Variants in SYTL5 observed in about 807,000 individuals in gnomAD.
SYTL5 encodes the protein synaptotagmin-like protein 5.
SYTL5 carries 34 observed loss-of-function variants against 55.9 expected under a neutral mutation model. That is an observed-to-expected ratio of 0.61 (90% CI 0.46 to 0.81). The LOEUF (loss-of-function observed/expected upper bound fraction) is 0.81. Ranked by LOEUF, SYTL5 falls within the 30% of genes least tolerant of loss-of-function variation. The probability of loss-of-function intolerance (pLI) is 0.00; values close to 1 mark genes in which losing one functional copy is unlikely to be tolerated. For missense variants in SYTL5, 637 were observed against 546.7 expected (o/e 1.17, Z -1.65); for synonymous variants, 221 against 188.7 (o/e 1.17, Z -1.40).
the SYTL5 span, among the ~76,000 whole-genome samples, chrX:37,962,237 C>T: frequency 1.4e-3 from 159 of 109,955 alleles, no homozygotes; most frequent in Middle Eastern, 4.7e-3. Context: ...CCCGACCCCA[C>T]GACAGGCCCC....
the SYTL5 span, chrX:37,994,194 A>G: frequency 2.7e-5 from 3 of 112,356 alleles, no homozygotes; most frequent in East Asian, 8.4e-4. Flanking sequence ...GACATCAAAA[A>G]GTGGAGGTTG....
chrX:38,040,461 C>A lies in SYTL5; in HGVS notation c.119+6453C>A, dbSNP rs375461623. Among the ~76,000 whole-genome samples the A allele has an allele frequency of 4.9e-4, 53 of 108,696 alleles. 1 individual carries two copies. The Middle Eastern group carries it at 0.014, about 28-fold the overall frequency. The allele number at this position is 108,696 out of a possible 115,157, so 94.4% of individuals were successfully genotyped here. A position where few individuals can be genotyped will look rare whatever the true frequency, so the allele number is the denominator to read the frequency against. On this transcript the variant is annotated intron_variant, in intron 2 of 16. Coordinates refer to ENST00000297875, the MANE Select transcript of SYTL5 (RefSeq NM_138780.3). ...TTTTTAACTCATTAACCATCCCCCCCCCGACCCGAGCCCCACACTACCCTT... is the reference window on the plus strand; with the variant it reads ...TTTTTAACTCATTAACCATCCCCCCACCGACCCGAGCCCCACACTACCCTT...
intron 3 of SYTL5, among the ~76,000 whole-genome samples, chrX:38,067,802 TATTTAA>T (rs1936140502): frequency 8.9e-6 from 1 of 112,247 alleles, no homozygotes. Flanking sequence ...ATTGATTAAA[TATTTAA>T]GTGTAAGACC....
At chrX:38,019,785 G>A (rs1009394737) in intron 1 of SYTL5, among the ~76,000 whole-genome samples, 1 of 110,621 alleles carries the variant, frequency 9.0e-6, no homozygotes, top group Non-Finnish European at 1.9e-5. Flanking sequence ...ACAGGTGTGT[G>A]CCACCATGCC....
upstream of SYTL5, among the ~76,000 whole-genome samples, chrX:38,005,354 T>A (rs1486242163): frequency 8.9e-6 from 1 of 111,797 alleles, no homozygotes; most frequent in Non-Finnish European, 1.9e-5. Flanking sequence ...TATCACCTAT[T>A]GTCATAAAAT....
At chrX:37,904,202 TG>T in the SYTL5 span, among the ~76,000 whole-genome samples, 1 of 106,802 alleles carries the variant, frequency 9.4e-6, no homozygotes, top group African/African-American at 3.4e-5. Flanking sequence ...GTAAGATTTT[TG>T]ATAGGTAAGA....
rs768334932 is a variant in SYTL5, at chrX:38,094,357, A to G, written c.894A>G (p.Thr298=). Residue 298 remains threonine, a synonymous_variant, in exon 8 of 17, where the codon ACA becomes ACG. Transcript: ENST00000297875. ...TTGAAGGTACCTCTCAGGAGCTCAC[A>G]AAGAGTCACCGCAGAAACACTTCTG... ...AAIEGTSQEL[T]KSHRRNTSGT... The G allele has an allele frequency of 8.3e-7, 1 of 1,205,120 alleles. No homozygotes were observed. The highest frequency in any genetic ancestry group is 1.8e-5 in the African/African-American group (1 of 56,944).
At chrX:38,030,319 T>G (rs751874169) in intron 1 of SYTL5, among the ~76,000 whole-genome samples, 1 of 111,963 alleles carries the variant, frequency 8.9e-6, no homozygotes, top group East Asian at 2.8e-4. Context: ...GAACCTTAGA[T>G]TTTTAAAGGA....
chrX:37,969,199 T>G, the SYTL5 span, among the ~76,000 whole-genome samples: 1 of 112,377 alleles, frequency 8.9e-6, no homozygotes, highest in Admixed American at 9.4e-5. Flanking sequence ...AAGCATATTT[T>G]ATGCTTCTCC....
intron 2 of SYTL5, among the ~76,000 whole-genome samples, chrX:38,050,429 C>CT (rs1202246920): frequency 2.7e-5 from 3 of 111,561 alleles, no homozygotes; most frequent in Non-Finnish European, 5.6e-5. Context: ...AAGATTGTAT[C>CT]ATTCAACAAC....
chrX:38,098,038 C>T (rs990030643), intron 9 of SYTL5, among the ~76,000 whole-genome samples: 11 of 110,483 alleles, frequency 1.0e-4, no homozygotes, highest in Admixed American at 1.9e-4. Context: ...AATTAAGCAA[C>T]GCAAAATGGA....
chrX:38,060,209 C>T (rs1027556462), intron 3 of SYTL5, among the ~76,000 whole-genome samples: 5 of 111,821 alleles, frequency 4.5e-5, no homozygotes, highest in African/African-American at 1.3e-4. Flanking sequence ...CTAGTTAGTA[C>T]GGATGATAAC....
the SYTL5 span, among the ~76,000 whole-genome samples, chrX:37,917,585 T>C: frequency 4.5e-5 from 5 of 112,237 alleles, no homozygotes; most frequent in African/African-American, 1.6e-4. Context: ...TAATTTTTTG[T>C]CTAATTTTTC....
chrX:37,950,483 A>C, the SYTL5 span, among the ~76,000 whole-genome samples: 1 of 111,916 alleles, frequency 8.9e-6, no homozygotes, highest in African/African-American at 3.2e-5. Context: ...ACTGTAAAGC[A>C]GGATATATCT....
At chrX:37,996,346 A>G in the SYTL5 span, among the ~76,000 whole-genome samples, 388 of 112,005 alleles carry the variant, frequency 3.5e-3, no homozygotes, top group Non-Finnish European at 5.3e-3. Flanking sequence ...GCATGAGCCC[A>G]CCCATATTTA....
At chrX:38,106,858 T>C in intron 11 of SYTL5, 87 bp downstream of exon 11, 1 of 767,644 alleles carries the variant, frequency 1.3e-6, no homozygotes, top group Non-Finnish European at 1.8e-6. Context: ...AGTCTTAGCA[T>C]TCTTCTTGAT....
rs767398878 is a variant in SYTL5, at chrX:38,110,408, G to A, written c.1522G>A (p.Gly508Arg). The A allele has an allele frequency of 3.3e-6, 4 of 1,209,052 alleles. No individual in the cohort carries two copies. The highest frequency in any genetic ancestry group is 2.2e-5 in the Admixed American group (1 of 45,871). The change falls in exon 13 of 17, where the codon GGG becomes AGG. Residue 508 changes from glycine to arginine, a missense_variant. Coordinates refer to ENST00000297875, the MANE Select transcript of SYTL5 (RefSeq NM_138780.3). ...YDRFGRNSFL[G>R]EVEIPFDSWN... ...TCGATTTGGACGTAATAGCTTCCTC[G>A]GGGAAGTAGAGATTCCTTTTGACTC...
chrX:38,075,063 G>A (rs1239757707), intron 5 of SYTL5, among the ~76,000 whole-genome samples: 1 of 111,384 alleles, frequency 9.0e-6, no homozygotes, highest in Non-Finnish European at 1.9e-5. Context: ...GTAACTCAGA[G>A]CCCACAAATG....
At chrX:37,965,477 G>C in the SYTL5 span, among the ~76,000 whole-genome samples, 1 of 111,021 alleles carries the variant, frequency 9.0e-6, no homozygotes, top group African/African-American at 3.3e-5. Context: ...AAAGATATTT[G>C]GTATAATTTC....
Sources: allele counts gnomAD v4.1 joint callset (sites outside exome capture counted in the v4.1 genomes callset), GRCh38; gene constraint gnomAD v4.1.1; transcripts MANE v1.5; gene names NCBI Gene and HGNC (gene_info 2026-07-23, HGNC 2026-07-21).